The following CDH23 variants were observed in gnomAD, a reference collection of about 807,000 sequenced individuals.
CDH23 encodes the protein cadherin-23.
In CDH23, 189 loss-of-function variants were observed where a neutral mutation model predicts 317.1. The observed-to-expected ratio is 0.60, with a 90% CI of 0.53 to 0.67. The LOEUF (loss-of-function observed/expected upper bound fraction) is 0.67. Ranked by LOEUF, CDH23 falls within the 30% of genes least tolerant of loss-of-function variation. CDH23 has a pLI of 0.00. For synonymous variants in CDH23, 1,839 were observed against 1,876.8 expected (o/e 0.98, Z 0.52); for missense variants, 4,401 against 4,592.4 (o/e 0.96, Z 1.20).
intron 3 of CDH23, among the ~76,000 whole-genome samples, chr10:71,451,956 G>T (rs1298905931): frequency 6.6e-6 from 1 of 152,230 alleles, no homozygotes; most frequent in African/African-American, 2.4e-5. Flanking sequence ...CCCAGGGCAT[G>T]TCGGGAGCGA....
rs2132987810 is a variant in CDH23, at chr10:71,807,374, G to A, written c.8276G>A (p.Gly2759Asp). The change falls in exon 58 of 70, where the codon GGC (glycine) becomes GAC (aspartate). Residue 2759 changes from glycine to aspartate, a missense_variant. Around this residue, in one of 3 missense-constraint regions of CDH23, gnomAD observed 1,144 missense variants for 1,138.2 expected, o/e 1.01. Transcript: ENST00000224721. ...ACAGGCGCAGTGGATGCAGATGAGGGCCCCAACGCGATCGTGTACTACTTC... is the reference window on the plus strand; with the variant it reads ...ACAGGCGCAGTGGATGCAGATGAGGACCCCAACGCGATCGTGTACTACTTC... Reference protein sequence around the residue: ...NVTGAVDADEGPNAIVYYFIA... With the variant: ...NVTGAVDADEDPNAIVYYFIA... 3 of 1,613,862 alleles carry A rather than the reference G, an allele frequency of 1.9e-6. No homozygotes were observed. Among genetic ancestry groups the A allele is most frequent in the Non-Finnish European group, 2.5e-6 (3 of 1,179,832 alleles).
intron 6 of CDH23, among the ~76,000 whole-genome samples, chr10:71,541,539 G>A (rs530823883): frequency 2.6e-5 from 4 of 152,354 alleles, no homozygotes; most frequent in South Asian, 4.1e-4. Flanking sequence ...GAGAGTGTGC[G>A]TGCTATCATT....
intron 11 of CDH23, 32 bp from the exon 12 acceptor site, chr10:71,643,829 A>G (rs1212805574): frequency 1.2e-5 from 9 of 765,538 alleles, no homozygotes; most frequent in African/African-American, 3.4e-5. Context: ...GTCTGTCTCC[A>G]TATCCTTTGA....
Position 71,444,090 on chromosome 10 carries a change from G to A in CDH23, c.68-2228G>A, listed in dbSNP as rs1056642329. Among the ~76,000 whole-genome samples, 5 of 152,340 alleles carry A rather than the reference G, an allele frequency of 3.3e-5. No homozygotes were observed. The East Asian group carries it at 7.7e-4, about 24-fold the overall frequency. ...CTGGGCACTCATTTGCCTCGGCTGGGCTGCGTCCTGCTCTCCTGTATCCTG... is the reference window on the plus strand; with the variant it reads ...CTGGGCACTCATTTGCCTCGGCTGGACTGCGTCCTGCTCTCCTGTATCCTG... On this transcript the variant is annotated intron_variant, in intron 2 of 69. Transcript: ENST00000224721.
Position 71,803,373 on chromosome 10 carries a change from CCT to C in CDH23, c.7826_7827del (p.Pro2609ArgfsTer33). On this transcript the variant is annotated frameshift_variant, in exon 55 of 70. Coordinates refer to ENST00000224721, the MANE Select transcript of CDH23 (RefSeq NM_022124.6). LOFTEE classifies it high-confidence loss of function. The stretch of plus-strand genomic sequence containing the variant: ...GGTCATCGACGTCAATGACAACCGC[CCT>C]GTCTTTGTGCGCCCACCCAACGGCA... ...VEVIDVNDNR[P>X]VFVRPPNGTI... 1 of 1,600,846 alleles carries C rather than the reference CCT, an allele frequency of 6.2e-7. No individual in the cohort carries two copies. The highest frequency in any genetic ancestry group is 8.5e-7 in the Non-Finnish European group (1 of 1,174,324).
intron 22 of CDH23, among the ~76,000 whole-genome samples, chr10:71,701,338 G>C (rs1356893773): frequency 6.6e-6 from 1 of 152,186 alleles, no homozygotes; most frequent in Non-Finnish European, 1.5e-5. Context: ...GCTGCAGGGG[G>C]CCCTTTGCCT....
intron 6 of CDH23, among the ~76,000 whole-genome samples, chr10:71,549,047 G>A (rs750963482): frequency 7.9e-5 from 12 of 152,284 alleles, no homozygotes; most frequent in Non-Finnish European, 1.6e-4. Context: ...GAATGAGGCA[G>A]AGCGTAAGCA....
intron 3 of CDH23, among the ~76,000 whole-genome samples, chr10:71,477,922 C>T (rs1221303986): frequency 3.9e-5 from 6 of 152,132 alleles, no homozygotes; most frequent in Non-Finnish European, 7.3e-5. Context: ...ATCACGTGCC[C>T]GGGCCAGACA....
At chr10:71,613,131 G>A (rs1861001663) in intron 9 of CDH23, among the ~76,000 whole-genome samples, 1 of 152,244 alleles carries the variant, frequency 6.6e-6, no homozygotes, top group South Asian at 2.1e-4. Context: ...TTACAGGCAT[G>A]AGCCACCGCG....
intron 30 of CDH23, among the ~76,000 whole-genome samples, chr10:71,729,308 G>A (rs1187478030): frequency 6.6e-6 from 1 of 152,242 alleles, no homozygotes. Flanking sequence ...GGATTGGTGT[G>A]AAAGTAATGT....
intron 2 of CDH23, among the ~76,000 whole-genome samples, chr10:71,445,558 A>G (rs1850115088): frequency 6.6e-6 from 1 of 152,198 alleles, no homozygotes. Flanking sequence ...GTAAAAAGAG[A>G]CAACGTGCGA....
intron 1 of CDH23, among the ~76,000 whole-genome samples, chr10:71,410,300 C>T (rs900431914): frequency 6.6e-6 from 1 of 152,192 alleles, no homozygotes; most frequent in Non-Finnish European, 1.5e-5. Flanking sequence ...TGCAGGCTGC[C>T]TGGGGGTGCC....
intron 38 of CDH23, among the ~76,000 whole-genome samples, chr10:71,764,679 A>G (rs1181991944): frequency 6.6e-6 from 1 of 152,124 alleles, no homozygotes; most frequent in East Asian, 1.9e-4. Context: ...CTACTCCCTA[A>G]TAATTCCACC....
intron 10 of CDH23, 101 bp downstream of exon 10, chr10:71,615,717 G>A (rs1589264906): frequency 9.9e-6 from 8 of 806,312 alleles, no homozygotes; most frequent in Admixed American, 6.5e-5. Context: ...CGGTGGTGGC[G>A]CCGGAAGCAC....
At chr10:71,607,186 C>T (rs1424125084) in intron 9 of CDH23, among the ~76,000 whole-genome samples, 3 of 152,216 alleles carry the variant, frequency 2.0e-5, no homozygotes, top group Non-Finnish European at 4.4e-5. Flanking sequence ...CGCTGGACAG[C>T]GATGGGCCTG....
chr10:71,616,137 C>T (rs932973671), intron 10 of CDH23, among the ~76,000 whole-genome samples: 4 of 152,252 alleles, frequency 2.6e-5, no homozygotes, highest in Non-Finnish European at 5.9e-5. Flanking sequence ...CTGCCACTCA[C>T]GGTCGGTTTC....
intron 34 of CDH23, among the ~76,000 whole-genome samples, chr10:71,737,245 A>G (rs1420286767): frequency 6.6e-6 from 1 of 152,226 alleles, no homozygotes; most frequent in Non-Finnish European, 1.5e-5. Context: ...CCAGGCAGGA[A>G]GCAGGAACAG....
chr10:71,504,880 A>G (rs1208984487), intron 3 of CDH23, among the ~76,000 whole-genome samples: 1 of 152,212 alleles, frequency 6.6e-6, no homozygotes, highest in East Asian at 1.9e-4. Flanking sequence ...TCATCCTGCT[A>G]TAAACCAGCT....
At chr10:71,686,521 G>A (rs927736745) in intron 18 of CDH23, among the ~76,000 whole-genome samples, 2 of 152,124 alleles carry the variant, frequency 1.3e-5, no homozygotes, top group African/African-American at 4.8e-5. Context: ...CAGCCAGAGA[G>A]CATGCCCCCA....
Sources: allele counts gnomAD v4.1 joint callset (sites outside exome capture counted in the v4.1 genomes callset), GRCh38; gene constraint gnomAD v4.1.1; regional missense constraint gnomAD v4.1.1; transcripts MANE v1.5; gene names NCBI Gene and HGNC (gene_info 2026-07-23, HGNC 2026-07-21).